Variants in C8orf76 observed in about 807,000 individuals in gnomAD.
The protein encoded by C8orf76 is chromosome 8 open reading frame 76.
A neutral mutation model predicts 38.1 loss-of-function variants in C8orf76; 46 were observed. The observed-to-expected ratio is 1.21, with a 90% CI of 0.95 to 1.54. The LOEUF is 1.54. Ranked by LOEUF, C8orf76 falls within the 40% of genes most tolerant of loss-of-function variation. The pLI is 0.00. For synonymous variants in C8orf76, 166 were observed against 167.5 expected, an observed-to-expected ratio of 0.99 and a Z score of 0.07; for missense variants, 461 against 441.6, an observed-to-expected ratio of 1.04 and a Z score of -0.39.
chr8:123,234,660 T>G (rs535168510), intron 3 of C8orf76, among the ~76,000 whole-genome samples: 1 of 152,190 alleles, frequency 6.6e-6, no homozygotes, highest in Non-Finnish European at 1.5e-5. Flanking sequence ...TCCCAGCTAC[T>G]TGGGTGGCTG....
intron 1 of C8orf76, 99 bp downstream of exon 1, chr8:123,241,131 T>A: frequency 8.0e-7 from 1 of 1,248,072 alleles, no homozygotes; most frequent in Non-Finnish European, 1.1e-6. Context: ...CTGCCAGGGT[T>A]TGCGTTCGCG....
At chr8:123,229,474 C>T (rs1825162648) in intron 4 of C8orf76, among the ~76,000 whole-genome samples, 1 of 152,236 alleles carries the variant, frequency 6.6e-6, no homozygotes, top group Non-Finnish European at 1.5e-5. Flanking sequence ...TAAAGGCTTC[C>T]TTCTTTTGGC....
At chr8:123,229,932 G>T (rs751216180) in intron 4 of C8orf76, among the ~76,000 whole-genome samples, 3 of 152,062 alleles carry the variant, frequency 2.0e-5, no homozygotes, top group Non-Finnish European at 2.9e-5. Context: ...CAGGGGAATT[G>T]CTTGAACCTG....
At chr8:123,220,370 G>C in intron 5 of C8orf76, 73 bp from the exon 6 acceptor site, 2 of 1,155,320 alleles carry the variant, frequency 1.7e-6, no homozygotes, top group Non-Finnish European at 2.4e-6. Context: ...TATCAACTGC[G>C]AAGGCTTTCA....
chr8:123,223,240 T>C (rs1306148120), intron 5 of C8orf76, among the ~76,000 whole-genome samples: 1 of 152,206 alleles, frequency 6.6e-6, no homozygotes, highest in African/African-American at 2.4e-5. Context: ...AGTTTGGTAG[T>C]TCCTAAAAAA....
At chr8:123,223,580 C>A (rs1031844166) in intron 5 of C8orf76, among the ~76,000 whole-genome samples, 1 of 152,088 alleles carries the variant, frequency 6.6e-6, no homozygotes, top group Non-Finnish European at 1.5e-5. Context: ...TGTACTCCTG[C>A]CTGGGTGACA....
At chr8:123,238,089 G>T in intron 2 of C8orf76, 148 bp from the exon 3 acceptor site, 1 of 1,074,902 alleles carries the variant, frequency 9.3e-7, no homozygotes, top group South Asian at 1.9e-5. Flanking sequence ...AATTAAAGAA[G>T]ATTTCACTAT....
intron 5 of C8orf76, among the ~76,000 whole-genome samples, chr8:123,224,806 A>G (rs1399533070): frequency 6.6e-6 from 1 of 152,180 alleles, no homozygotes; most frequent in Non-Finnish European, 1.5e-5. Context: ...AAAACATACT[A>G]TTACTTATAA....
In C8orf76 at chr8:123,237,960, A is replaced by ATAATTTGT. The variant is rs1306747136; in HGVS notation, c.214-20_214-19insACAAATTA. On this transcript the variant is annotated intron_variant, in intron 2 of 5. Coordinates refer to ENST00000276704, the MANE Select transcript of C8orf76 (RefSeq NM_032847.3). The stretch of plus-strand genomic sequence containing the variant: ...GTGCTTTCTGGAAATTATTTGTTAA[A>ATAATTTGT]TAAAGAAATGAAAGGAGGAAAACAT... The ATAATTTGT allele has an allele frequency of 1.2e-6, 2 of 1,600,152 alleles. No individual in the cohort carries two copies. Among genetic ancestry groups the ATAATTTGT allele is most frequent in the Non-Finnish European group, 1.7e-6 (2 of 1,174,558 alleles).
In C8orf76 at chr8:123,226,642, C is replaced by T. The variant is rs773311952; in HGVS notation, c.816-10G>A. On this transcript the variant is annotated splice_polypyrimidine_tract_variant and intron_variant, in intron 4 of 5. Coordinates refer to ENST00000276704, the MANE Select transcript of C8orf76 (RefSeq NM_032847.3). ...AAACTGAAGCAGAAGCCTGAAAAAC[C>T]GAAAAGTCTCAATGCGTGGCGAAAA... is the stretch of plus-strand genomic sequence containing the variant. 15 of 1,586,836 alleles carry T rather than the reference C, an allele frequency of 9.5e-6. No homozygotes were observed. The highest frequency in any genetic ancestry group is 7.9e-5 in the Admixed American group (4 of 50,654).
intron 5 of C8orf76, 78 bp from the exon 6 acceptor site, chr8:123,220,375 C>A: frequency 8.9e-7 from 1 of 1,118,424 alleles, no homozygotes; most frequent in Non-Finnish European, 1.2e-6. Flanking sequence ...ACTGCGAAGG[C>A]TTTCATTCAA....
chr8:123,230,564 C>T (rs1025488029), intron 4 of C8orf76, among the ~76,000 whole-genome samples: 12 of 152,136 alleles, frequency 7.9e-5, no homozygotes, highest in Non-Finnish European at 1.8e-4. Context: ...CAGCTCACTG[C>T]AGCCTTGGCC....
In C8orf76 at chr8:123,241,305, GTCCTCGAAC is replaced by G; in HGVS notation, c.33_41del (p.Glu11_Glu13del). 1 of 1,574,950 alleles carries G rather than the reference GTCCTCGAAC, an allele frequency of 6.3e-7. No individual in the cohort carries two copies. The highest frequency in any genetic ancestry group is 8.6e-7 in the Non-Finnish European group (1 of 1,165,738). On this transcript the variant is annotated inframe_deletion, in exon 1 of 6. Transcript: ENST00000276704. ...GCTCCGGCCTCTCCTCGAACACCGAGTCCTCGAACTCGCCGCCGAACAACCAGCACCCGG... is the reference window on the plus strand; with the variant it reads ...GCTCCGGCCTCTCCTCGAACACCGAGTCGCCGCCGAACAACCAGCACCCGG...
chr8:123,226,819 A>G (rs1825060911), intron 4 of C8orf76, among the ~76,000 whole-genome samples, 187 bp from the exon 5 acceptor site: 1 of 152,226 alleles, frequency 6.6e-6, no homozygotes, highest in Non-Finnish European at 1.5e-5. Flanking sequence ...CTTGGAATCA[A>G]TTGCCCAACT....
At chr8:123,233,703 A>G (rs1481514585) in intron 3 of C8orf76, among the ~76,000 whole-genome samples, 1 of 149,046 alleles carries the variant, frequency 6.7e-6, no homozygotes, top group Non-Finnish European at 1.5e-5. Flanking sequence ...TAGGGTTTTG[A>G]GAGGTGGATT....
chr8:123,235,140 T>G (rs1825415016), intron 3 of C8orf76, among the ~76,000 whole-genome samples: 1 of 152,172 alleles, frequency 6.6e-6, no homozygotes, highest in African/African-American at 2.4e-5. Flanking sequence ...AGTCACTTAC[T>G]ACCAGAAAGC....
chr8:123,241,289 T>G lies in C8orf76; in HGVS notation c.58A>C (p.Arg20=), dbSNP rs1224153519. 2 of 1,580,784 alleles carry G rather than the reference T, an allele frequency of 1.3e-6. No individual in the cohort carries two copies. The highest frequency in any genetic ancestry group is 2.3e-5 in the South Asian group (2 of 88,856). ...GGCGGTCCTGACCGCCGCTCCGGCC[T>G]CTCCTCGAACACCGAGTCCTCGAAC... ...GEFEDSVFEE[R]PERRSGPPAS... The change falls in exon 1 of 6, where the codon AGG becomes CGG. Residue 20 remains arginine, a synonymous_variant. Coordinates refer to ENST00000276704, the MANE Select transcript of C8orf76 (RefSeq NM_032847.3).
chr8:123,231,475 A>G lies in C8orf76; in HGVS notation c.640T>C (p.Leu214=), dbSNP rs1168703362. The part of the protein sequence containing the change: ...FFPHSGKDCL[L]CFPETLPESS... ...TCAGGCAAGGTTTCAGGAAAACACA[A>G]AAGACAGTCTTTTCCTGAGTGTGGA... The change falls in exon 4 of 6, where the codon TTG becomes CTG. Residue 214 remains leucine (L), a synonymous_variant. Coordinates refer to ENST00000276704, the MANE Select transcript of C8orf76 (RefSeq NM_032847.3). 1 of 1,614,100 alleles carries G rather than the reference A, an allele frequency of 6.2e-7. No homozygotes were observed. Among genetic ancestry groups the G allele is most frequent in the East Asian group, 2.2e-5 (1 of 44,890 alleles).
chr8:123,238,888 C>A (rs530660609), intron 2 of C8orf76, 161 bp downstream of exon 2: 2 of 644,206 alleles, frequency 3.1e-6, no homozygotes, highest in South Asian at 2.0e-5. Flanking sequence ...CAGAGCCAAG[C>A]AGAAAAGAAC....
Sources: allele counts gnomAD v4.1 joint callset (sites outside exome capture counted in the v4.1 genomes callset), GRCh38; gene constraint gnomAD v4.1.1; transcripts MANE v1.5; gene names NCBI Gene and HGNC (gene_info 2026-07-23, HGNC 2026-07-21).